The following CYGB variants were observed in gnomAD, a reference collection of about 807,000 sequenced individuals.
CYGB encodes the protein cytoglobin.
In CYGB, 13 loss-of-function variants were observed where a neutral mutation model predicts 20.7. That is an observed-to-expected ratio of 0.63 (90% confidence interval 0.41 to 1.00). The LOEUF is 1.00. CYGB is among the 50% of genes least tolerant of loss of function. CYGB has a pLI of 0.00. For missense variants in CYGB, 218 were observed against 257.2 expected (o/e 0.85, Z 1.04); for synonymous variants, 93 against 107.4 (o/e 0.87, Z 0.83).
chr17:76,544,982 G>A (rs1022643960), intron 1 of CYGB: 1 of 456,440 alleles, frequency 2.2e-6, no homozygotes, highest in African/African-American at 2.0e-5. Context: ...AGAGGAAGGG[G>A]CTGCTGGCGG....
upstream of CYGB, among the ~76,000 whole-genome samples, chr17:76,540,829 C>T (rs990164271): frequency 4.6e-5 from 7 of 152,212 alleles, no homozygotes; most frequent in Non-Finnish European, 8.8e-5. The surrounding 1 kb of genome is among the most constrained non-coding windows in gnomAD (Gnocchi z 5.0). Flanking sequence ...GGGGCGGTCC[C>T]CCGGGGCACC....
At chr17:76,543,712 G>A in intron 1 of CYGB, 1 of 466,422 alleles carries the variant, frequency 2.1e-6, no homozygotes, top group Non-Finnish European at 4.4e-6. Flanking sequence ...CAGCCCAGGA[G>A]CTATTCTGTT....
At chr17:76,542,430 A>C, upstream of CYGB, 1 of 1,103,444 alleles carries the variant, frequency 9.1e-7, no homozygotes, top group African/African-American at 1.5e-5. Context: ...CTGATTCCTT[A>C]GGTGGTCCTG....
intron 1 of CYGB, chr17:76,543,733 T>C (rs748601624): frequency 4.3e-6 from 2 of 468,816 alleles, no homozygotes; most frequent in African/African-American, 2.0e-5. Context: ...AAGCCGCCAC[T>C]TGTGGTCCGA....
rs2074850148 is a variant in CYGB at position 76,531,975 on chromosome 17, C to A, written c.144-284G>T. 2 of 336,798 alleles carry A rather than the reference C, an allele frequency of 5.9e-6. No homozygotes were observed. The highest frequency in any genetic ancestry group is 2.0e-5 in the African/African-American group (1 of 48,878). The allele number at this position is 336,798 out of a possible 1,614,324, so 20.9% of individuals were successfully genotyped here. A position where few individuals can be genotyped will look rare whatever the true frequency, so the allele number is the denominator to read the frequency against. On this transcript the variant is annotated intron_variant, in intron 1 of 3. Transcript: ENST00000293230. The surrounding 1 kb of genome is among the most constrained non-coding windows in gnomAD (Gnocchi z 7.4). ...CCTCGCTTCTTGCTTCCTTCCCAAA[C>A]TCTACACCCCCTTCAAGCCCTGCTC...
Position 76,530,959 on chromosome 17 carries a change from A to AC in CYGB, c.539+19dup. The AC allele has an allele frequency of 1.9e-6, 3 of 1,553,958 alleles. No homozygotes were observed. In the South Asian group the frequency reaches 3.5e-5, roughly 18 times the overall value. ...ACATGGCGGGGAGGCTGCCCAGCCC[A>AC]CCCTCGCCCGCCTCCTCACGTGGTG... On this transcript the variant is annotated intron_variant, in intron 3 of 3. Coordinates refer to ENST00000293230, the MANE Select transcript of CYGB (RefSeq NM_134268.5). The surrounding 1 kb of genome is among the most constrained non-coding windows in gnomAD (Gnocchi z 6.1).
intron 1 of CYGB, among the ~76,000 whole-genome samples, chr17:76,534,146 T>TTC (rs71158013): frequency 0.11 from 14,612 of 128,912 alleles, 1,008 homozygotes; most frequent in African/African-American, 0.19. Context: ...CTCTTTCTCT[T>TTC]TCTCTCTCTC....
At chr17:76,529,535 T>C in intron 3 of CYGB, 1 of 985,418 alleles carries the variant, frequency 1.0e-6, no homozygotes, top group Non-Finnish European at 1.2e-6. Context: ...CAGCTCTCTT[T>C]CCAGTCTCTC....
Position 76,529,914 on chromosome 17 carries a change from G to C in CYGB, c.539+1065C>G, listed in dbSNP as rs549764364. 1.8e-3 allele frequency: 1,818 copies of C among 985,326 alleles called. 4 individuals are homozygous for C. The highest frequency in any genetic ancestry group is 2.1e-3 in the Non-Finnish European group (1,751 of 829,902). 61.0% of individuals were successfully genotyped at this position (985,326 alleles called of 1,614,324 possible). A position where few individuals can be genotyped will look rare whatever the true frequency, so the allele number is the denominator to read the frequency against. On this transcript the variant is annotated intron_variant, in intron 3 of 3. Transcript: ENST00000293230. ...TCTTGGGGTGGTGCTGACGGGAGAGGGGGGAGGGGAGCAGGAGCCAGCCCG... is the reference window on the plus strand; with the variant it reads ...TCTTGGGGTGGTGCTGACGGGAGAGCGGGGAGGGGAGCAGGAGCCAGCCCG...
intron 1 of CYGB, among the ~76,000 whole-genome samples, chr17:76,536,489 C>A (rs1238634002): frequency 1.3e-5 from 2 of 152,156 alleles, no homozygotes; most frequent in African/African-American, 4.8e-5. Flanking sequence ...TCTGCCTGCA[C>A]CCCCAGGGAC....
At chr17:76,529,043 C>T (rs553888982) in intron 3 of CYGB, 8,348 of 558,934 alleles carry the variant, frequency 0.015, 111 homozygotes, top group South Asian at 0.12. Context: ...GCAGTCATTG[C>T]GCCCCCCCCC....
rs1021237924 is a variant in CYGB, at chr17:76,548,261, G to C, written c.-53+2601C>G. Among the ~76,000 whole-genome samples the C allele has an allele frequency of 4.6e-5, 7 of 152,018 alleles. 1 individual carries two copies. The South Asian group carries it at 1.5e-3, about 32-fold the overall frequency. On this transcript the variant is annotated intron_variant, in intron 1 of 3. Transcript: ENST00000589145. ...ACACATACACACAGTCACACACACA[G>C]ATACACATAAACATACATACACACA...
chr17:76,531,906 A>C lies in CYGB; in HGVS notation c.144-215T>G. ...CCAAGTCTGGCCATGTCTATCTGCC[A>C]GGCTTGCTCAGGCTGGCGGCTTCAT... On this transcript the variant is annotated intron_variant, in intron 1 of 3. Transcript: ENST00000293230. The surrounding 1 kb of genome is among the most constrained non-coding windows in gnomAD (Gnocchi z 7.4). 4.0e-6 allele frequency: 2 copies of C among 497,874 alleles called. No individual in the cohort carries two copies. The highest frequency in any genetic ancestry group is 7.2e-6 in the Non-Finnish European group (2 of 277,202). The allele number at this position is 497,874 out of a possible 1,614,324, so 30.8% of individuals were successfully genotyped here.
rs1033467068 is a variant in CYGB, at chr17:76,528,249, C to T, written c.*329G>A. ...TGCATGCTGGCCGGGCTGATAGAAA[C>T]GGGGCTGGTTTATTCCCTAAGGGAC... On this transcript the variant is annotated 3_prime_UTR_variant, in exon 4 of 4. Coordinates refer to ENST00000293230, the MANE Select transcript of CYGB (RefSeq NM_134268.5). This position sits in a 1 kb window ranked among gnomAD's most constrained non-coding sequence, Gnocchi z 5.8. 3 of 398,794 alleles carry T rather than the reference C, an allele frequency of 7.5e-6. No individual in the cohort carries two copies. The highest frequency in any genetic ancestry group is 4.1e-5 in the African/African-American group (2 of 48,538). 24.7% of individuals were successfully genotyped at this position (398,794 alleles called of 1,614,324 possible). A position where few individuals can be genotyped will look rare whatever the true frequency, so the allele number is the denominator to read the frequency against.
At chr17:76,536,708 G>A (rs1399912561) in intron 1 of CYGB, among the ~76,000 whole-genome samples, 1 of 152,132 alleles carries the variant, frequency 6.6e-6, no homozygotes, top group Admixed American at 6.5e-5. Flanking sequence ...CCCTAGGTGG[G>A]AGGTTTTAGG....
intron 1 of CYGB, chr17:76,550,333 C>A (rs564915880): frequency 5.3e-5 from 8 of 150,174 alleles, no homozygotes; most frequent in African/African-American, 2.0e-4. Context: ...GCGATCTCGG[C>A]TCATTGCAAC....
In CYGB at chr17:76,531,765, G is replaced by A. The variant is rs1217805030; in HGVS notation, c.144-74C>T. On this transcript the variant is annotated intron_variant, in intron 1 of 3. Transcript: ENST00000293230. This position sits in a 1 kb window ranked among gnomAD's most constrained non-coding sequence, Gnocchi z 7.4. ...CCCACCCTGAAGCTTCCAGGATAGT[G>A]GGGGCTGAAGAAGTGGACCGCAGTG... The A allele has an allele frequency of 1.4e-5, 17 of 1,218,962 alleles. No individual in the cohort carries two copies. In the African/African-American group the frequency reaches 2.6e-4, roughly 18 times the overall value. 75.5% of individuals were successfully genotyped at this position (1,218,962 alleles called of 1,614,324 possible).
In CYGB at chr17:76,527,429, G is replaced by T. The variant is rs1247989147; in HGVS notation, c.*1149C>A. ...ACATCAGAAACTAGAAAAGGAGGAC[G>T]GGCGGTTGCACAGATGAGGATGAGG... is the stretch of plus-strand genomic sequence containing the variant. On this transcript the variant is annotated 3_prime_UTR_variant, in exon 4 of 4. Transcript: ENST00000293230. 1.1e-5 allele frequency: 4 copies of T among 365,002 alleles called. No individual in the cohort carries two copies. 22.6% of individuals were successfully genotyped at this position (365,002 alleles called of 1,614,324 possible). A position where few individuals can be genotyped will look rare whatever the true frequency, so the allele number is the denominator to read the frequency against.
Position 76,528,128 on chromosome 17 carries a change from A to G in CYGB, c.*450T>C, listed in dbSNP as rs1409585298. On this transcript the variant is annotated 3_prime_UTR_variant, in exon 4 of 4. Transcript: ENST00000293230. This position sits in a 1 kb window ranked among gnomAD's most constrained non-coding sequence, Gnocchi z 5.8. ...TCTAGATATGTATGTGTGTATATATATATGTATATATATATTTATATATAG... is the reference window on the plus strand; with the variant it reads ...TCTAGATATGTATGTGTGTATATATGTATGTATATATATATTTATATATAG... 3.1e-6 allele frequency: 1 copy of G among 321,680 alleles called. No homozygotes were observed. Among genetic ancestry groups the G allele is most frequent in the Non-Finnish European group, 5.5e-6 (1 of 181,966 alleles). 19.9% of individuals were successfully genotyped at this position (321,680 alleles called of 1,614,324 possible).
Sources: gnomAD v4.1 joint callset for allele counts (sites outside exome capture counted in the v4.1 genomes callset) on GRCh38, gnomAD v4.1.1 for gene constraint, Gnocchi (gnomAD v3.1) non-coding constraint, MANE v1.5 for transcripts, NCBI Gene and HGNC (gene_info 2026-07-23, HGNC 2026-07-21) for gene names.